CAMK1D: variants seen among roughly 807,000 people sequenced by gnomAD.
CAMK1D encodes calcium/calmodulin dependent protein kinase ID, also known as calcium/calmodulin-dependent protein kinase type 1D.
Under a neutral mutation model 47.7 loss-of-function variants are expected in CAMK1D, and 9 were observed. That is an observed-to-expected ratio of 0.19 (90% CI 0.11 to 0.33). The LOEUF (loss-of-function observed/expected upper bound fraction) is 0.33, where lower values mean the gene tolerates loss of function less well. Among genes scored for constraint, CAMK1D ranks in the 10% least tolerant of loss-of-function variants. The pLI is 1.00. For synonymous variants in CAMK1D, 184 were observed against 184.9 expected, an observed-to-expected ratio of 0.99 and a Z score of 0.04; for missense variants, 291 against 488.7, an observed-to-expected ratio of 0.60 and a Z score of 3.81.
intron 1 of CAMK1D, among the ~76,000 whole-genome samples, chr10:12,521,991 A>G (rs75036019): frequency 0.01 from 1,100 of 109,272 alleles, 25 homozygotes; most frequent in East Asian, 0.052. Context: ...GATAGCATAT[A>G]TTTGAACTAG....
chr10:12,436,347 A>G (rs905509612), intron 1 of CAMK1D, among the ~76,000 whole-genome samples: 8 of 152,192 alleles, frequency 5.3e-5, no homozygotes, highest in African/African-American at 1.9e-4. Flanking sequence ...TGGAAGCCAC[A>G]TGCCCCCTCT....
At chr10:12,540,358 C>T (rs549499747) in intron 1 of CAMK1D, among the ~76,000 whole-genome samples, 6 of 152,146 alleles carry the variant, frequency 3.9e-5, no homozygotes, top group Admixed American at 3.3e-4. Flanking sequence ...ATGAAAAGAG[C>T]AGAGATAAAA....
At chr10:12,525,333 TTCTC>T (rs1835585965) in intron 1 of CAMK1D, among the ~76,000 whole-genome samples, 1 of 152,176 alleles carries the variant, frequency 6.6e-6, no homozygotes. Context: ...ACCAATCTCT[TTCTC>T]TTTCTTCACT....
At chr10:12,675,732 C>T (rs1290344753) in intron 3 of CAMK1D, among the ~76,000 whole-genome samples, 3 of 152,150 alleles carry the variant, frequency 2.0e-5, no homozygotes, top group Non-Finnish European at 2.9e-5. Context: ...TTCTCATCTT[C>T]GAGTCAAAGA....
At chr10:12,556,874 G>C (rs1256688317) in intron 2 of CAMK1D, among the ~76,000 whole-genome samples, 6 of 152,338 alleles carry the variant, frequency 3.9e-5, no homozygotes, top group Non-Finnish European at 7.3e-5. Flanking sequence ...GGAGGCTGTT[G>C]GAAGAATCTG....
chr10:12,453,985 C>A (rs931394296), intron 1 of CAMK1D, among the ~76,000 whole-genome samples: 1 of 152,090 alleles, frequency 6.6e-6, no homozygotes, highest in Non-Finnish European at 1.5e-5. Context: ...GAGGAAGGGG[C>A]CAGCAGCAGA....
rs1296064563 is a variant in CAMK1D, at chr10:12,830,931, A to G, written c.*2044A>G. On this transcript the variant is annotated 3_prime_UTR_variant, in exon 11 of 11. Coordinates refer to ENST00000619168, the MANE Select transcript of CAMK1D (RefSeq NM_153498.4). ...GCCCCCCCACCCTCTCAATAAACACACACACACACACACACACACACACAC... is the reference window on the plus strand; with the variant it reads ...GCCCCCCCACCCTCTCAATAAACACGCACACACACACACACACACACACAC... 3.3e-5 allele frequency: 4 copies of G among 120,522 alleles called. No individual in the cohort carries two copies. Among genetic ancestry groups the G allele is most frequent in the African/African-American group, 1.4e-4 (4 of 29,126 alleles). The allele number at this position is 120,522 out of a possible 1,614,324, so 7.5% of individuals were successfully genotyped here.
At chr10:12,654,866 C>G (rs1470241422) in intron 2 of CAMK1D, among the ~76,000 whole-genome samples, 1 of 152,206 alleles carries the variant, frequency 6.6e-6, no homozygotes, top group African/African-American at 2.4e-5. Context: ...TAATAAATGA[C>G]TTACCAGTGG....
At chr10:12,695,837 G>C (rs192458605) in intron 3 of CAMK1D, among the ~76,000 whole-genome samples, 2 of 152,268 alleles carry the variant, frequency 1.3e-5, no homozygotes, top group Admixed American at 6.5e-5. Flanking sequence ...CCAGCACTTT[G>C]GCAGGCCGAG....
At chr10:12,824,653 A>G in intron 9 of CAMK1D, 101 bp downstream of exon 9, 1 of 920,200 alleles carries the variant, frequency 1.1e-6, no homozygotes, top group South Asian at 1.5e-5. Context: ...CACCTGAATA[A>G]TTTTGCTAAT....
chr10:12,686,695 C>G (rs1440199755), intron 3 of CAMK1D, among the ~76,000 whole-genome samples: 1 of 151,974 alleles, frequency 6.6e-6, no homozygotes, highest in African/African-American at 2.4e-5. Context: ...CAGGAAGTGT[C>G]CGGAGGAATA....
At chr10:12,666,877 G>C in intron 3 of CAMK1D, 67 bp downstream of exon 3, 3 of 1,320,548 alleles carry the variant, frequency 2.3e-6, no homozygotes, top group Non-Finnish European at 3.3e-6. Flanking sequence ...AAGGGATCAG[G>C]TGGGAAAAGA....
chr10:12,604,065 T>C (rs958197817), intron 2 of CAMK1D, among the ~76,000 whole-genome samples: 1 of 151,682 alleles, frequency 6.6e-6, no homozygotes, highest in Non-Finnish European at 1.5e-5. Flanking sequence ...ACTCCGATAG[T>C]AGTTAAGTTC....
intron 1 of CAMK1D, among the ~76,000 whole-genome samples, chr10:12,476,634 T>C (rs1833911356): frequency 6.6e-6 from 1 of 151,856 alleles, no homozygotes; most frequent in Non-Finnish European, 1.5e-5. Flanking sequence ...GAATCTGGAG[T>C]GGGGAGGGTC....
chr10:12,644,141 G>A (rs1343074352), intron 2 of CAMK1D, among the ~76,000 whole-genome samples: 1 of 152,144 alleles, frequency 6.6e-6, no homozygotes, highest in East Asian at 1.9e-4. Context: ...ATTATCCTCT[G>A]TGAAACCAGT....
rs1833432021 is a variant in CAMK1D at position 12,832,327 on chromosome 10, G to A, written c.*3440G>A. 6.6e-6 allele frequency: 1 copy of A among 152,458 alleles called. No homozygotes were observed. Among genetic ancestry groups the A allele is most frequent in the South Asian group, 2.1e-4 (1 of 4,826 alleles). The allele number at this position is 152,458 out of a possible 1,614,324, so 9.4% of individuals were successfully genotyped here. A position where few individuals can be genotyped will look rare whatever the true frequency, so the allele number is the denominator to read the frequency against. On this transcript the variant is annotated 3_prime_UTR_variant, in exon 11 of 11. Coordinates refer to ENST00000619168, the MANE Select transcript of CAMK1D (RefSeq NM_153498.4). ...GAGTCTGGAGTCTGGGCAGCTGTCTGCCTCTCTACGGCTCTGCTTCCCAGC... is the reference window on the plus strand; with the variant it reads ...GAGTCTGGAGTCTGGGCAGCTGTCTACCTCTCTACGGCTCTGCTTCCCAGC...
chr10:12,382,327 A>G (rs537182708), intron 1 of CAMK1D, among the ~76,000 whole-genome samples: 2 of 152,204 alleles, frequency 1.3e-5, no homozygotes, highest in African/African-American at 4.8e-5. Flanking sequence ...TTGTAATGAT[A>G]ATGTATGTGA....
chr10:12,651,316 C>T (rs560574792), intron 2 of CAMK1D, among the ~76,000 whole-genome samples: 1 of 152,354 alleles, frequency 6.6e-6, no homozygotes, highest in African/African-American at 2.4e-5. Flanking sequence ...TACATACAGA[C>T]AGGTGTGTGT....
intron 1 of CAMK1D, among the ~76,000 whole-genome samples, chr10:12,433,374 G>A (rs1339537469): frequency 6.6e-6 from 1 of 151,854 alleles, no homozygotes; most frequent in African/African-American, 2.4e-5. Context: ...TCCAGGTACA[G>A]CGTAATTTTT....
Sources: allele counts gnomAD v4.1 joint callset (sites outside exome capture counted in the v4.1 genomes callset), GRCh38; gene constraint gnomAD v4.1.1; transcripts MANE v1.5; gene names NCBI Gene and HGNC (gene_info 2026-07-23, HGNC 2026-07-21).